ITPRID1: variants seen among roughly 807,000 people sequenced by gnomAD.
The protein encoded by ITPRID1 is ITPR interacting domain containing 1, also known as protein ITPRID1.
In ITPRID1, 96 loss-of-function variants were observed where a neutral mutation model predicts 95.4. The observed-to-expected ratio is 1.01, with a 90% confidence interval of 0.85 to 1.19. The LOEUF is 1.19. Ranked by LOEUF, ITPRID1 falls within the 50% of genes most tolerant of loss-of-function variation. ITPRID1 has a pLI of 0.00. For synonymous variants in ITPRID1, 510 were observed against 453.6 expected, an observed-to-expected ratio of 1.12 and a Z score of -1.58; for missense variants, 1,339 against 1,252.9, an observed-to-expected ratio of 1.07 and a Z score of -1.04.
intron 1 of ITPRID1, among the ~76,000 whole-genome samples, chr7:31,534,245 C>T (rs1455262676): frequency 6.6e-6 from 1 of 152,174 alleles, no homozygotes; most frequent in South Asian, 2.1e-4. Context: ...GGTGAATGTC[C>T]CATGTGCATT....
chr7:31,618,078 G>C (rs901779551), intron 10 of ITPRID1, among the ~76,000 whole-genome samples: 7 of 152,152 alleles, frequency 4.6e-5, no homozygotes, highest in African/African-American at 1.7e-4. Flanking sequence ...AGCCTATCAG[G>C]TTCACAGACT....
intron 9 of ITPRID1, among the ~76,000 whole-genome samples, chr7:31,580,542 A>C (rs1196124886): frequency 6.6e-6 from 1 of 152,158 alleles, no homozygotes. Context: ...ATAACTAAAT[A>C]AGAAAAGAAT....
chr7:31,579,559 C>CAA (rs1785319655), intron 9 of ITPRID1, among the ~76,000 whole-genome samples: 1 of 152,082 alleles, frequency 6.6e-6, no homozygotes, highest in Admixed American at 6.5e-5. Context: ...GACATATTTT[C>CAA]GGGTATTCCA....
chr7:31,600,141 T>C (rs186155015), intron 10 of ITPRID1, among the ~76,000 whole-genome samples: 65 of 152,346 alleles, frequency 4.3e-4, no homozygotes, highest in African/African-American at 1.5e-3. Flanking sequence ...ACCTCAGTTA[T>C]AATCTAAGAA....
At chr7:31,644,187 T>C (rs1268152769) in intron 12 of ITPRID1, among the ~76,000 whole-genome samples, 3 of 152,232 alleles carry the variant, frequency 2.0e-5, no homozygotes, top group Non-Finnish European at 4.4e-5. Flanking sequence ...TTATCATTAA[T>C]CATCATTTTA....
intron 10 of ITPRID1, among the ~76,000 whole-genome samples, chr7:31,639,059 G>A (rs935074708): frequency 1.3e-5 from 2 of 152,182 alleles, no homozygotes; most frequent in African/African-American, 4.8e-5. Context: ...TTACAGGTGT[G>A]AGCCACTGCG....
At chr7:31,594,111 T>C (rs754855480) in intron 10 of ITPRID1, among the ~76,000 whole-genome samples, 2 of 152,228 alleles carry the variant, frequency 1.3e-5, no homozygotes, top group African/African-American at 2.4e-5. Flanking sequence ...TATGTTGCGA[T>C]ACCCAAATAC....
chr7:31,624,742 C>G (rs1279258868), intron 10 of ITPRID1, among the ~76,000 whole-genome samples: 1 of 151,536 alleles, frequency 6.6e-6, no homozygotes, highest in East Asian at 1.9e-4. Context: ...ACACCAAAAG[C>G]AATGGCAACA....
intron 1 of ITPRID1, among the ~76,000 whole-genome samples, chr7:31,523,828 T>A (rs1192445745): frequency 6.6e-6 from 1 of 152,214 alleles, no homozygotes; most frequent in Non-Finnish European, 1.5e-5. Context: ...CAGACTGTTT[T>A]ATGCTCAGTG....
Position 31,642,884 on chromosome 7 carries a change from A to G in ITPRID1, c.1514A>G (p.Glu505Gly). Reference protein sequence around the residue: ...QRASVSVMEEEFLLEAMEGPP... With the variant: ...QRASVSVMEEGFLLEAMEGPP... ...GCCTCAGTATCTGTGATGGAGGAAG[A>G]GTTTCTGCTTGAGGCCATGGAGGGG... The change falls in exon 12 of 15, where the codon GAG becomes GGG. Residue 505 changes from glutamate (E) to glycine (G), a missense_variant. Coordinates refer to ENST00000615280, the MANE Select transcript of ITPRID1 (RefSeq NM_001257967.3). The G allele has an allele frequency of 6.2e-7, 1 of 1,614,012 alleles. No homozygotes were observed. The highest frequency in any genetic ancestry group is 8.5e-7 in the Non-Finnish European group (1 of 1,179,896).
Position 31,627,706 on chromosome 7 carries a change from A to G in ITPRID1, c.1229-14470A>G, listed in dbSNP as rs1562629013. 3.3e-5 allele frequency among the ~76,000 whole-genome samples: 5 copies of G among 151,854 alleles called. No homozygotes were observed. In the South Asian group the frequency reaches 1.0e-3, roughly 32 times the overall value. On this transcript the variant is annotated intron_variant, in intron 10 of 14. Coordinates refer to ENST00000615280, the MANE Select transcript of ITPRID1 (RefSeq NM_001257967.3). The stretch of plus-strand genomic sequence containing the variant: ...AAATTCAGTAAACAGGTCAGAAATG[A>G]AAGTGACTAAACTTGACAGAATGGA...
chr7:31,568,297 C>T (rs117927947), intron 5 of ITPRID1, among the ~76,000 whole-genome samples: 308 of 152,216 alleles, frequency 2.0e-3, no homozygotes, highest in Non-Finnish European at 3.4e-3. Flanking sequence ...GAGACAAATT[C>T]ACAGGTACCT....
chr7:31,598,471 T>C (rs998757067), intron 10 of ITPRID1, among the ~76,000 whole-genome samples: 6 of 145,448 alleles, frequency 4.1e-5, no homozygotes, highest in Non-Finnish European at 9.0e-5. Context: ...TGGCGCTATC[T>C]CGGCTCACTG....
At chr7:31,558,275 C>T (rs1784516746) in intron 5 of ITPRID1, among the ~76,000 whole-genome samples, 1 of 152,138 alleles carries the variant, frequency 6.6e-6, no homozygotes, top group Non-Finnish European at 1.5e-5. Flanking sequence ...ATAAATTACT[C>T]AGTCTGCGGT....
At chr7:31,527,161 C>T (rs1258367856) in intron 1 of ITPRID1, among the ~76,000 whole-genome samples, 1 of 152,104 alleles carries the variant, frequency 6.6e-6, no homozygotes, top group African/African-American at 2.4e-5. Flanking sequence ...CCTCCTTCTC[C>T]CCACCCCATG....
chr7:31,535,704 T>A (rs1444483069), intron 1 of ITPRID1, among the ~76,000 whole-genome samples: 5 of 152,130 alleles, frequency 3.3e-5, no homozygotes, highest in African/African-American at 4.8e-5. Flanking sequence ...GCTTTGTTTA[T>A]ACTTTATTTT....
At chr7:31,634,482 A>T (rs1789299519) in intron 10 of ITPRID1, among the ~76,000 whole-genome samples, 1 of 152,134 alleles carries the variant, frequency 6.6e-6, no homozygotes, top group Non-Finnish European at 1.5e-5. Flanking sequence ...CTATGAGGGG[A>T]CAGACTCAGA....
At chr7:31,610,035 A>G (rs776863234) in intron 10 of ITPRID1, among the ~76,000 whole-genome samples, 6 of 151,512 alleles carry the variant, frequency 4.0e-5, no homozygotes, top group Admixed American at 1.3e-4. Flanking sequence ...TATTTGACCC[A>G]TTACTTAGGA....
intron 1 of ITPRID1, among the ~76,000 whole-genome samples, chr7:31,515,709 A>T: frequency 6.6e-6 from 1 of 152,240 alleles, no homozygotes; most frequent in East Asian, 1.9e-4. Context: ...TGTAAGATTG[A>T]AAACGTAGGG....
Sources: allele counts gnomAD v4.1 joint callset (sites outside exome capture counted in the v4.1 genomes callset), GRCh38; gene constraint gnomAD v4.1.1; transcripts MANE v1.5; gene names NCBI Gene and HGNC (gene_info 2026-07-23, HGNC 2026-07-21).